The following FMN1 variants were observed in gnomAD, a reference collection of about 807,000 sequenced individuals.
FMN1 encodes the protein formin 1.
A neutral mutation model predicts 132.4 loss-of-function variants in FMN1; 110 were observed. The observed-to-expected ratio is 0.83, with a 90% confidence interval of 0.71 to 0.97. The LOEUF (loss-of-function observed/expected upper bound fraction) is 0.97, where lower values mean the gene tolerates loss of function less well. FMN1 is among the 50% of genes least tolerant of loss of function. FMN1 has a pLI of 0.00. For missense variants in FMN1, 1,792 were observed against 1,705.3 expected (o/e 1.05, Z -0.90); for synonymous variants, 722 against 651.7 (o/e 1.11, Z -1.64).
chr15:33,190,259 T>C (rs1178846391), intron 2 of FMN1, among the ~76,000 whole-genome samples: 1 of 152,146 alleles, frequency 6.6e-6, no homozygotes, highest in East Asian at 1.9e-4. Context: ...TGAAAAGAGT[T>C]CTTGAAACTC....
chr15:33,047,583 T>C (rs1023835411), intron 6 of FMN1, among the ~76,000 whole-genome samples: 1 of 152,186 alleles, frequency 6.6e-6, no homozygotes, highest in South Asian at 2.1e-4. Flanking sequence ...GCCTCAGAAA[T>C]TAAAAGCAAA....
At chr15:32,878,747 G>A (rs543040966) in intron 16 of FMN1, among the ~76,000 whole-genome samples, 25 of 152,296 alleles carry the variant, frequency 1.6e-4, no homozygotes, top group African/African-American at 2.4e-4. Flanking sequence ...AGCTTGTGAA[G>A]CAAGGATTTG....
intron 9 of FMN1, among the ~76,000 whole-genome samples, chr15:32,940,971 G>T (rs2061388551): frequency 6.6e-6 from 1 of 152,024 alleles, no homozygotes; most frequent in Admixed American, 6.6e-5. Flanking sequence ...CATATTAAAA[G>T]GAGTTAGTTA....
At chr15:32,855,175 A>AG (rs1381608618) in intron 17 of FMN1, among the ~76,000 whole-genome samples, 2 of 144,248 alleles carry the variant, frequency 1.4e-5, no homozygotes, top group Admixed American at 6.9e-5. Context: ...AAAAAAAAAA[A>AG]AAAAAAAGAA....
At chr15:32,933,326 T>G (rs2061169757) in intron 9 of FMN1, among the ~76,000 whole-genome samples, 1 of 152,238 alleles carries the variant, frequency 6.6e-6, no homozygotes, top group African/African-American at 2.4e-5. Flanking sequence ...CATGCCATTG[T>G]GGTCAGAAAA....
rs140949893 is a variant in FMN1 at position 33,003,588 on chromosome 15, G to T, written c.2223+4426C>A. ...AAGAACATTCTATGCTCATGGGTAA[G>T]AATCAATATCGTGAAAATGGCCATA... is the stretch of plus-strand genomic sequence containing the variant. On this transcript the variant is annotated intron_variant, in intron 7 of 20. Transcript: ENST00000616417. 1.2e-3 allele frequency among the ~76,000 whole-genome samples: 180 copies of T among 152,298 alleles called. 2 individuals carry two copies. Among genetic ancestry groups the T allele is most frequent in the South Asian group, 7.7e-3 (37 of 4,824 alleles).
intron 15 of FMN1, among the ~76,000 whole-genome samples, chr15:32,897,885 C>T (rs1459264461): frequency 1.3e-5 from 2 of 152,090 alleles, no homozygotes; most frequent in Non-Finnish European, 2.9e-5. Flanking sequence ...AGTGGAAGGA[C>T]AGAGAGTAGC....
intron 5 of FMN1, among the ~76,000 whole-genome samples, chr15:33,081,227 AC>A (rs1405524392): frequency 6.6e-6 from 1 of 151,848 alleles, no homozygotes; most frequent in East Asian, 1.9e-4. Context: ...CTTCTACCAT[AC>A]CCCCACCTTG....
At position 33,153,371 on chromosome 15, in the gene FMN1, TTG is replaced by T; in HGVS notation, c.1542_1543del (p.His514GlnfsTer32). On this transcript the variant is annotated frameshift_variant, in exon 4 of 21. Coordinates refer to ENST00000616417, the MANE Select transcript of FMN1 (RefSeq NM_001277313.2). LOFTEE classifies it high-confidence loss of function. The stretch of plus-strand genomic sequence containing the variant: ...AGGCGAGGGAACAGGTGACGTCTGT[TTG>T]TGTGTGCTGGACTGCGAGGCTGAAT... 1 of 1,536,464 alleles carries T rather than the reference TTG, an allele frequency of 6.5e-7. No individual in the cohort carries two copies. Among genetic ancestry groups the T allele is most frequent in the South Asian group, 1.2e-5 (1 of 84,052 alleles).
chr15:33,083,636 T>C (rs1331786532), intron 5 of FMN1, among the ~76,000 whole-genome samples: 1 of 152,180 alleles, frequency 6.6e-6, no homozygotes, highest in Non-Finnish European at 1.5e-5. Flanking sequence ...TTGTATCCTT[T>C]AAAAATATCC....
rs1216779315 is a variant in FMN1 at position 32,857,006 on chromosome 15, G to C, written c.3928+9C>G. 3 of 1,599,726 alleles carry C rather than the reference G, an allele frequency of 1.9e-6. No individual in the cohort carries two copies. Among genetic ancestry groups the C allele is most frequent in the South Asian group, 2.2e-5 (2 of 90,800 alleles). On this transcript the variant is annotated intron_variant, in intron 17 of 20. Coordinates refer to ENST00000616417, the MANE Select transcript of FMN1 (RefSeq NM_001277313.2). ...GCCACGTGTATGTGCGGCTGACAAA[G>C]CTTCCTACCTTTTTGGAAGAACTCC...
chr15:33,006,173 T>C (rs1208013630), intron 7 of FMN1, among the ~76,000 whole-genome samples: 1 of 152,008 alleles, frequency 6.6e-6, no homozygotes, highest in Admixed American at 6.6e-5. Flanking sequence ...ATACAAAAAA[T>C]ATTTAAGGAA....
At chr15:32,852,157 G>A (rs148009029) in intron 17 of FMN1, among the ~76,000 whole-genome samples, 130 of 152,130 alleles carry the variant, frequency 8.5e-4, no homozygotes, top group African/African-American at 2.6e-3. Flanking sequence ...CTCTACCTGC[G>A]CGTCTCACAT....
intron 5 of FMN1, among the ~76,000 whole-genome samples, chr15:33,081,423 C>T (rs1265641347): frequency 1.3e-5 from 2 of 152,056 alleles, no homozygotes; most frequent in East Asian, 3.8e-4. Context: ...CCTCAATCAC[C>T]ATTAATTTGA....
chr15:33,137,190 A>C (rs1963812589), intron 4 of FMN1, among the ~76,000 whole-genome samples: 1 of 152,096 alleles, frequency 6.6e-6, no homozygotes, highest in Non-Finnish European at 1.5e-5. Flanking sequence ...GTTCTGGGTA[A>C]GCAATGAAGT....
chr15:32,889,832 T>C (rs1021031827), intron 15 of FMN1, among the ~76,000 whole-genome samples: 3 of 152,198 alleles, frequency 2.0e-5, no homozygotes, highest in African/African-American at 7.2e-5. Context: ...CATGAGTAAG[T>C]TCTTTAGTGG....
chr15:33,172,552 G>A (rs1965369518), intron 3 of FMN1, among the ~76,000 whole-genome samples: 1 of 152,208 alleles, frequency 6.6e-6, no homozygotes, highest in South Asian at 2.1e-4. Flanking sequence ...AAGAAGTGTA[G>A]GATACTGACA....
intron 9 of FMN1, among the ~76,000 whole-genome samples, chr15:32,957,686 T>G (rs545247259): frequency 3.3e-4 from 50 of 152,298 alleles, no homozygotes; most frequent in African/African-American, 1.2e-3. Flanking sequence ...AGCTTTCACA[T>G]TAGTTCATAA....
At chr15:32,987,370 T>C (rs1294749751) in intron 7 of FMN1, among the ~76,000 whole-genome samples, 1 of 152,192 alleles carries the variant, frequency 6.6e-6, no homozygotes, top group East Asian at 1.9e-4. Flanking sequence ...CTGGCTCAAG[T>C]ATCCATGCCA....
Sources: allele counts gnomAD v4.1 joint callset (sites outside exome capture counted in the v4.1 genomes callset), GRCh38; gene constraint gnomAD v4.1.1; transcripts MANE v1.5; gene names NCBI Gene and HGNC (gene_info 2026-07-23, HGNC 2026-07-21).